The following CPNE3 variants were observed in gnomAD, a reference collection of about 807,000 sequenced individuals.
CPNE3 encodes copine-3.
In CPNE3, 68 loss-of-function variants were observed where a neutral mutation model predicts 63.9. The ratio of observed to expected loss-of-function variants is 1.06; its 90% CI spans 0.87 to 1.30. The LOEUF is 1.30. Among genes scored for constraint, CPNE3 ranks in the 50% most tolerant of loss-of-function variants. CPNE3 has a pLI of 0.00. For synonymous variants in CPNE3, 219 were observed against 197.5 expected, an observed-to-expected ratio of 1.11 and a Z score of -0.91; for missense variants, 665 against 578.1, an observed-to-expected ratio of 1.15 and a Z score of -1.54.
At chr8:86,519,860 G>A (rs1375805533) in intron 2 of CPNE3, among the ~76,000 whole-genome samples, 2 of 151,998 alleles carry the variant, frequency 1.3e-5, no homozygotes, top group Non-Finnish European at 2.9e-5. Context: ...ATTACAGGTG[G>A]GCGCCATCAT....
Position 86,515,491 on chromosome 8 carries a change from A to G in CPNE3, c.-19A>G, listed in dbSNP as rs1179647708. On this transcript the variant is annotated 5_prime_UTR_variant, in exon 2 of 17. Transcript: ENST00000517490. ...CTCAGGTTGAATAATTCATCAAATT[A>G]CACAACTGGTAAGTGGTGGCATTAG... 6.6e-6 allele frequency: 1 copy of G among 152,236 alleles called. No homozygotes were observed. The highest frequency in any genetic ancestry group is 1.5e-5 in the Non-Finnish European group (1 of 68,040). 9.4% of individuals were successfully genotyped at this position (152,236 alleles called of 1,614,324 possible). A position where few individuals can be genotyped will look rare whatever the true frequency, so the allele number is the denominator to read the frequency against.
At position 86,558,430 on chromosome 8, in the gene CPNE3, T is replaced by C. The variant is rs201137975; in HGVS notation, c.*20T>C. ...CAGTGACCACTTCAACAGAATTCTT[T>C]TGTGTTATGTGGAGCAATGCCATCT... is the stretch of plus-strand genomic sequence containing the variant. On this transcript the variant is annotated 3_prime_UTR_variant, in exon 17 of 17. Transcript: ENST00000517490. 66 of 872,650 alleles carry C rather than the reference T, an allele frequency of 7.6e-5. No individual in the cohort carries two copies. The highest frequency in any genetic ancestry group is 1.2e-4 in the Non-Finnish European group (62 of 501,518). The allele number at this position is 872,650 out of a possible 1,614,324, so 54.1% of individuals were successfully genotyped here.
At chr8:86,549,084 G>A (rs1821116903) in intron 12 of CPNE3, among the ~76,000 whole-genome samples, 1 of 152,138 alleles carries the variant, frequency 6.6e-6, no homozygotes, top group African/African-American at 2.4e-5. Context: ...ATCTGCATTA[G>A]TAGTGTTTTT....
At chr8:86,546,312 C>G (rs1821049610) in intron 9 of CPNE3, among the ~76,000 whole-genome samples, 1 of 151,934 alleles carries the variant, frequency 6.6e-6, no homozygotes, top group Non-Finnish European at 1.5e-5. Context: ...AAGATTATGC[C>G]TTGGAACATT....
intron 2 of CPNE3, among the ~76,000 whole-genome samples, chr8:86,517,970 C>G (rs1236787677): frequency 1.3e-5 from 2 of 152,154 alleles, no homozygotes; most frequent in Non-Finnish European, 2.9e-5. Flanking sequence ...TGTTAAGCAA[C>G]CAGGACATGA....
chr8:86,548,549 C>G, intron 12 of CPNE3, 115 bp downstream of exon 12: 2 of 1,285,344 alleles, frequency 1.6e-6, no homozygotes, highest in Non-Finnish European at 2.2e-6. Context: ...TGCTTTCTCC[C>G]TAAAATCCCC....
intron 6 of CPNE3, among the ~76,000 whole-genome samples, chr8:86,536,045 T>C (rs1820796162): frequency 6.6e-6 from 1 of 152,108 alleles, no homozygotes; most frequent in African/African-American, 2.4e-5. Flanking sequence ...AAAATTTACA[T>C]GGCTCTAAAA....
intron 6 of CPNE3, among the ~76,000 whole-genome samples, chr8:86,537,106 A>G (rs550276516): frequency 6.6e-6 from 1 of 152,300 alleles, no homozygotes; most frequent in South Asian, 2.1e-4. Flanking sequence ...CCATTAATTA[A>G]TTAGATATGT....
chr8:86,535,165 G>C (rs996531155), intron 6 of CPNE3, among the ~76,000 whole-genome samples: 1 of 151,938 alleles, frequency 6.6e-6, no homozygotes, highest in Non-Finnish European at 1.5e-5. Context: ...ATTTTATCTA[G>C]TTTCTGCCTT....
In CPNE3 at chr8:86,528,986, A is replaced by G. The variant is rs767455857; in HGVS notation, c.174A>G (p.Gln58=). ...GGATTAAGAATTGCTTGAATCCCCA[A>G]TTTTCCAAGACATTTATTATTGATT... ...TERIKNCLNP[Q]FSKTFIIDYY... The change falls in exon 4 of 17, where the codon CAA becomes CAG. Residue 58 remains glutamine, a synonymous_variant. Coordinates refer to ENST00000517490, the MANE Select transcript of CPNE3 (RefSeq NM_003909.5). 4 of 1,613,580 alleles carry G rather than the reference A, an allele frequency of 2.5e-6. No individual in the cohort carries two copies. The South Asian group carries it at 3.3e-5, about 13-fold the overall frequency.
intron 6 of CPNE3, among the ~76,000 whole-genome samples, chr8:86,533,578 A>G (rs1820732151): frequency 6.6e-6 from 1 of 151,930 alleles, no homozygotes. Context: ...ATTTTAGACT[A>G]TAGGCTGGGG....
chr8:86,556,711 A>G (rs1821334116), intron 16 of CPNE3, among the ~76,000 whole-genome samples: 1 of 152,196 alleles, frequency 6.6e-6, no homozygotes, highest in Admixed American at 6.5e-5. Flanking sequence ...AACATATTGC[A>G]GAGCTATAGT....
At chr8:86,523,345 G>A (rs6651267) in intron 2 of CPNE3, among the ~76,000 whole-genome samples, 111,758 of 152,094 alleles carry the variant, frequency 0.73, 41,997 homozygotes, top group African/African-American at 0.83. Flanking sequence ...AATGACACAC[G>A]CTGACTCCAG....
chr8:86,550,158 C>G (rs1458949402), intron 12 of CPNE3, among the ~76,000 whole-genome samples: 2 of 152,164 alleles, frequency 1.3e-5, no homozygotes, highest in East Asian at 3.8e-4. Flanking sequence ...AATCATGCAG[C>G]TTTTTTGTGT....
chr8:86,521,160 T>C (rs1820427688), intron 2 of CPNE3, among the ~76,000 whole-genome samples: 1 of 152,186 alleles, frequency 6.6e-6, no homozygotes, highest in African/African-American at 2.4e-5. Context: ...GTTGCTGCTC[T>C]AAGACGATCT....
intron 4 of CPNE3, 87 bp from the exon 5 acceptor site, chr8:86,531,068 T>A: frequency 1.4e-6 from 1 of 739,822 alleles, no homozygotes; most frequent in Non-Finnish European, 2.5e-6. Context: ...GTGAACCTTA[T>A]ACTCAGTCTT....
intron 2 of CPNE3, among the ~76,000 whole-genome samples, chr8:86,526,979 A>G (rs1820555657): frequency 6.6e-6 from 1 of 152,150 alleles, no homozygotes; most frequent in Non-Finnish European, 1.5e-5. Flanking sequence ...TTTAAATAAG[A>G]TGTTAGTTGT....
intron 16 of CPNE3, among the ~76,000 whole-genome samples, chr8:86,556,856 T>C (rs1319927031): frequency 6.6e-6 from 1 of 152,204 alleles, no homozygotes; most frequent in African/African-American, 2.4e-5. Flanking sequence ...CACTTACTAA[T>C]ATAGTCTTCA....
Position 86,544,855 on chromosome 8 carries a change from C to G in CPNE3, c.732+17C>G. The G allele has an allele frequency of 7.0e-7, 1 of 1,429,944 alleles. No individual in the cohort carries two copies. Among genetic ancestry groups the G allele is most frequent in the Non-Finnish European group, 9.7e-7 (1 of 1,035,394 alleles). The allele number at this position is 1,429,944 out of a possible 1,614,324, so 88.6% of individuals were successfully genotyped here. ...AGCTCACCTGTAAGTTACATCCTTG[C>G]ATTTGCATATACTTTATAGTTTGGC... On this transcript the variant is annotated intron_variant, in intron 9 of 16. Transcript: ENST00000517490.
Sources: allele counts gnomAD v4.1 joint callset (sites outside exome capture counted in the v4.1 genomes callset), GRCh38; gene constraint gnomAD v4.1.1; transcripts MANE v1.5; gene names NCBI Gene and HGNC (gene_info 2026-07-23, HGNC 2026-07-21).